Variants in LIMK2 observed in about 807,000 individuals in gnomAD.
The protein encoded by LIMK2 is LIM domain kinase 2.
LIMK2 carries 35 observed loss-of-function variants against 75.7 expected under a neutral mutation model. That is an observed-to-expected ratio of 0.46 (90% CI 0.35 to 0.61). LIMK2 has a LOEUF of 0.61. LIMK2 is among the 20% of genes least tolerant of loss of function. LIMK2 has a pLI of 0.00. For synonymous variants in LIMK2, 301 were observed against 319.2 expected (o/e 0.94, Z 0.61); for missense variants, 623 against 831.0 (o/e 0.75, Z 3.08).
intron 5 of LIMK2, among the ~76,000 whole-genome samples, 197 bp downstream of exon 5, chr22:31,260,274 C>A (rs1356527640): frequency 6.6e-6 from 1 of 152,202 alleles, no homozygotes; most frequent in African/African-American, 2.4e-5. Flanking sequence ...ACTTCCTACC[C>A]GATACTTAAG....
intron 9 of LIMK2, 38 bp downstream of exon 9, chr22:31,267,108 CA>C (rs1569000251): frequency 2.5e-6 from 3 of 1,206,400 alleles, no homozygotes; most frequent in South Asian, 2.5e-5. Flanking sequence ...TTGGTGTCAC[CA>C]TTGGAAGAGA....
intron 1 of LIMK2, among the ~76,000 whole-genome samples, chr22:31,214,856 C>T (rs1464206500): frequency 6.6e-6 from 1 of 152,150 alleles, no homozygotes; most frequent in African/African-American, 2.4e-5. Context: ...AGTACAGTGG[C>T]GCGATCCAGA....
At chr22:31,224,537 A>G (rs1447865694) in intron 1 of LIMK2, among the ~76,000 whole-genome samples, 2 of 152,168 alleles carry the variant, frequency 1.3e-5, no homozygotes, top group East Asian at 1.9e-4. Context: ...TAATTTTCCT[A>G]TCCATTAAGT....
chr22:31,276,445 A>C (rs951569621), intron 15 of LIMK2, among the ~76,000 whole-genome samples: 2 of 136,856 alleles, frequency 1.5e-5, no homozygotes, highest in Admixed American at 1.4e-4. Flanking sequence ...CGGATAGAGA[A>C]AGCGCTTCGG....
chr22:31,277,840 G>A (rs1048990104), intron 15 of LIMK2, among the ~76,000 whole-genome samples: 1 of 152,158 alleles, frequency 6.6e-6, no homozygotes, highest in African/African-American at 2.4e-5. Context: ...AAAGACGATT[G>A]TTCAGGGTAC....
chr22:31,238,397 A>G (rs975757399), intron 2 of LIMK2, among the ~76,000 whole-genome samples: 1 of 152,218 alleles, frequency 6.6e-6, no homozygotes, highest in Non-Finnish European at 1.5e-5. Context: ...TGGGATACTT[A>G]ATAACAGGAA....
intron 7 of LIMK2, among the ~76,000 whole-genome samples, chr22:31,263,518 A>C (rs2048861491): frequency 6.6e-6 from 1 of 152,150 alleles, no homozygotes; most frequent in Non-Finnish European, 1.5e-5. Context: ...GTGTTCAGTA[A>C]ACGTGACACA....
chr22:31,249,814 C>T (rs2123816553), intron 2 of LIMK2, among the ~76,000 whole-genome samples: 1 of 152,272 alleles, frequency 6.6e-6, no homozygotes, highest in African/African-American at 2.4e-5. Flanking sequence ...TGGTAGATTG[C>T]TGGGAAGTGT....
At chr22:31,275,772 A>G (rs1569004685) in intron 15 of LIMK2, 1 of 154,848 alleles carries the variant, frequency 6.5e-6, no homozygotes, top group Non-Finnish European at 1.4e-5. Context: ...GTAGATGTTC[A>G]GGTTTTTCCA....
intron 8 of LIMK2, among the ~76,000 whole-genome samples, chr22:31,266,782 C>T (rs553116268): frequency 6.6e-6 from 1 of 152,332 alleles, no homozygotes; most frequent in Admixed American, 6.5e-5. Context: ...TCTGTGCATG[C>T]CCAGCTCTCC....
Position 31,259,169 on chromosome 22 carries a change from T to G in LIMK2, c.301T>G (p.Cys101Gly). 1 of 1,613,954 alleles carries G rather than the reference T, an allele frequency of 6.2e-7. No individual in the cohort carries two copies. The highest frequency in any genetic ancestry group is 8.5e-7 in the Non-Finnish European group (1 of 1,179,848). Residue 101 changes from cysteine (C) to glycine (G), a missense_variant, in exon 4 of 16, where the codon TGC becomes GGC. Cys to Gly is a radical substitution (Grantham distance 159). This residue lies in a region of LIMK2 where 514 missense variants were observed against 661.3 expected (regional missense o/e 0.78). Coordinates refer to ENST00000331728, the MANE Select transcript of LIMK2 (RefSeq NM_005569.4). ...CCCAGAGTGCTTTGCCTGTATGAGC[T>G]GCAAGGTGATCATTGAGGATGGGGA... ...YHPECFACMSCKVIIEDGDAY... is the reference protein window; with the variant it reads ...YHPECFACMSGKVIIEDGDAY...
intron 1 of LIMK2, 116 bp downstream of exon 1, chr22:31,212,540 C>T: frequency 9.5e-7 from 1 of 1,049,674 alleles, no homozygotes. Context: ...CCTCGTGGGT[C>T]CGAGCTCCTC....
At chr22:31,249,504 T>G (rs1454320721) in intron 2 of LIMK2, among the ~76,000 whole-genome samples, 3 of 152,140 alleles carry the variant, frequency 2.0e-5, no homozygotes, top group Non-Finnish European at 4.4e-5. Flanking sequence ...AACCTGGCTT[T>G]CTTTGCTCAT....
At chr22:31,246,171 ACACGCACG>A (rs879290299) in intron 2 of LIMK2, among the ~76,000 whole-genome samples, 4 of 132,562 alleles carry the variant, frequency 3.0e-5, no homozygotes, top group Admixed American at 7.7e-5. Flanking sequence ...AGACTCCGAC[ACACGCACG>A]CACGCACACA....
chr22:31,237,087 G>A (rs924023099), intron 2 of LIMK2, among the ~76,000 whole-genome samples: 34 of 146,110 alleles, frequency 2.3e-4, no homozygotes, highest in Admixed American at 4.1e-4. Flanking sequence ...CAGTGAAACC[G>A]CGTCTCTACT....
At chr22:31,222,421 G>A (rs1436977689) in intron 1 of LIMK2, among the ~76,000 whole-genome samples, 2 of 111,286 alleles carry the variant, frequency 1.8e-5, no homozygotes, top group Admixed American at 2.7e-4. Flanking sequence ...TCGCTCTGTT[G>A]CCCAGGCGTG....
chr22:31,277,350 T>C (rs2049040757), intron 15 of LIMK2: 1 of 1,408,880 alleles, frequency 7.1e-7, no homozygotes, highest in African/African-American at 1.4e-5. Context: ...GACTTTGTGT[T>C]TTTATATTGA....
intron 2 of LIMK2, among the ~76,000 whole-genome samples, chr22:31,233,130 C>T (rs907719561): frequency 6.6e-6 from 1 of 152,184 alleles, no homozygotes; most frequent in East Asian, 1.9e-4. Context: ...GGATAAAGTT[C>T]GGAGTCAGGC....
intron 2 of LIMK2, chr22:31,230,244 T>G (rs1369357931): frequency 6.6e-6 from 1 of 152,132 alleles, no homozygotes; most frequent in Non-Finnish European, 1.5e-5. Flanking sequence ...ATTCTGTATC[T>G]GGGGCAATCC....
Sources: allele counts gnomAD v4.1 joint callset (sites outside exome capture counted in the v4.1 genomes callset), GRCh38; gene constraint gnomAD v4.1.1; regional missense constraint gnomAD v4.1.1; transcripts MANE v1.5; gene names NCBI Gene and HGNC (gene_info 2026-07-23, HGNC 2026-07-21).